The following SLC35B3 variants were observed in gnomAD, a reference collection of about 807,000 sequenced individuals.
SLC35B3 encodes adenosine 3'-phospho 5'-phosphosulfate transporter 2.
SLC35B3 carries 35 observed loss-of-function variants against 44.1 expected under a neutral mutation model. That is an observed-to-expected ratio of 0.79 (90% CI 0.61 to 1.05). The LOEUF is 1.05. Ranked by LOEUF, SLC35B3 falls within the 50% of genes least tolerant of loss-of-function variation. The pLI is 0.00. For missense variants in SLC35B3, 414 were observed against 476.4 expected, an observed-to-expected ratio of 0.87 and a Z score of 1.22; for synonymous variants, 146 against 167.3, an observed-to-expected ratio of 0.87 and a Z score of 0.98.
Position 8,435,330 on chromosome 6 carries a change from A to G in SLC35B3, c.-44+13T>C. On this transcript the variant is annotated intron_variant, in intron 1 of 10. Coordinates refer to ENST00000644923, the MANE Select transcript of SLC35B3 (RefSeq NM_001370476.2). The surrounding 1 kb of genome is among the most constrained non-coding windows in gnomAD (Gnocchi z 5.5). Reference sequence around the variant, plus strand: ...GGTCCCAAACACAGGAAAGGCCCCGAAGGCACGCGTACCCCAAGGCCGGTA... The same window carrying G: ...GGTCCCAAACACAGGAAAGGCCCCGGAGGCACGCGTACCCCAAGGCCGGTA... 7.8e-7 allele frequency: 1 copy of G among 1,289,268 alleles called. No individual in the cohort carries two copies. Among genetic ancestry groups the G allele is most frequent in the Non-Finnish European group, 1.0e-6 (1 of 988,836 alleles). 79.9% of individuals were successfully genotyped at this position (1,289,268 alleles called of 1,614,324 possible). A position where few individuals can be genotyped will look rare whatever the true frequency, so the allele number is the denominator to read the frequency against.
chr6:8,431,671 A>G (rs1405051556), intron 2 of SLC35B3, among the ~76,000 whole-genome samples: 1 of 152,120 alleles, frequency 6.6e-6, no homozygotes, highest in Non-Finnish European at 1.5e-5. Flanking sequence ...TTTTTATGTA[A>G]TCTTGCAGGG....
At chr6:8,424,556 G>C (rs889368296) in intron 4 of SLC35B3, among the ~76,000 whole-genome samples, 1 of 152,104 alleles carries the variant, frequency 6.6e-6, no homozygotes, top group Non-Finnish European at 1.5e-5. Flanking sequence ...CACTGCACCT[G>C]GCCGGGGAGA....
intron 4 of SLC35B3, 25 bp from the exon 4 acceptor site, chr6:8,422,649 T>C: frequency 6.3e-7 from 1 of 1,585,044 alleles, no homozygotes. Flanking sequence ...TTTTAAAACC[T>C]TCATTTTGGG....
intron 10 of SLC35B3, 48 bp downstream of exon 9, chr6:8,414,858 AAC>A (rs773652525): frequency 9.8e-7 from 1 of 1,024,380 alleles, no homozygotes; most frequent in South Asian, 1.7e-5. Context: ...GGAAATGTGA[AAC>A]ACAGTATCTA....
Position 8,414,919 on chromosome 6 carries a change from TG to T in SLC35B3, c.1043del (p.Pro348HisfsTer12). The T allele has an allele frequency of 6.3e-7, 1 of 1,591,238 alleles. No individual in the cohort carries two copies. Among genetic ancestry groups the T allele is most frequent in the East Asian group, 2.2e-5 (1 of 44,630 alleles). ...TAAGAAGTACTTACTGAAACGTGAATGGTTTAGCAAAGAATATAAACGAAAG... is the reference window on the plus strand; with the variant it reads ...TAAGAAGTACTTACTGAAACGTGAATGTTTAGCAAAGAATATAAACGAAAG... On this transcript the variant is annotated frameshift_variant, in exon 10 of 11. Transcript: ENST00000644923. LOFTEE classifies it high-confidence loss of function.
intron 4 of SLC35B3, among the ~76,000 whole-genome samples, chr6:8,426,958 T>C (rs951544451): frequency 5.3e-5 from 8 of 152,296 alleles, no homozygotes; most frequent in Admixed American, 3.3e-4. Context: ...CAAAGGTGAC[T>C]CTTGTTATGT....
At chr6:8,431,604 C>T (rs977841500) in intron 2 of SLC35B3, among the ~76,000 whole-genome samples, 2 of 152,160 alleles carry the variant, frequency 1.3e-5, no homozygotes, top group African/African-American at 2.4e-5. Context: ...GTTTATTCTT[C>T]ACTTTCCTTT....
intron 4 of SLC35B3, among the ~76,000 whole-genome samples, chr6:8,426,441 T>A (rs374607486): frequency 6.6e-6 from 1 of 152,220 alleles, no homozygotes; most frequent in South Asian, 2.1e-4. Context: ...GTAATTTGAA[T>A]CATGGGGGTG....
chr6:8,429,861 T>G lies in SLC35B3; in HGVS notation c.297+3A>C. Reference sequence around the variant, plus strand: ...ACATATTACAAACATATAACTTTTTTACCTGTAAATACCCATAAATTAGGT... The same window carrying G: ...ACATATTACAAACATATAACTTTTTGACCTGTAAATACCCATAAATTAGGT... On this transcript the variant is annotated splice_donor_region_variant and intron_variant, in intron 3 of 10. Transcript: ENST00000644923. 1.3e-6 allele frequency: 2 copies of G among 1,541,718 alleles called. No individual in the cohort carries two copies. The highest frequency in any genetic ancestry group is 1.8e-6 in the Non-Finnish European group (2 of 1,135,494).
intron 4 of SLC35B3, 43 bp downstream of exon 3, chr6:8,427,894 C>T (rs1258716344): frequency 6.6e-7 from 1 of 1,523,508 alleles, no homozygotes; most frequent in Admixed American, 2.0e-5. Context: ...CAAAAAAATT[C>T]AACTAATATA....
chr6:8,435,464 A>G lies in SLC35B3; in HGVS notation c.-165T>C. The G allele has an allele frequency of 8.9e-7, 1 of 1,118,926 alleles. No homozygotes were observed. The highest frequency in any genetic ancestry group is 1.2e-6 in the Non-Finnish European group (1 of 848,714). 69.3% of individuals were successfully genotyped at this position (1,118,926 alleles called of 1,614,324 possible). Reference sequence around the variant, plus strand: ...CTCCTCTTCCTCCTCCTCCTCGCCCACTCCTGCACTTTCCACCGCGGCGGT... The same window carrying G: ...CTCCTCTTCCTCCTCCTCCTCGCCCGCTCCTGCACTTTCCACCGCGGCGGT... On this transcript the variant is annotated 5_prime_UTR_variant, in exon 1 of 11. Transcript: ENST00000644923. The surrounding 1 kb of genome is among the most constrained non-coding windows in gnomAD (Gnocchi z 5.5).
Position 8,422,488 on chromosome 6 carries a change from C to G in SLC35B3, c.556G>C (p.Gly186Arg), listed in dbSNP as rs780159985. The G allele has an allele frequency of 6.2e-7, 1 of 1,613,020 alleles. No individual in the cohort carries two copies. The highest frequency in any genetic ancestry group is 1.1e-5 in the South Asian group (1 of 90,980). The change falls in exon 5 of 11, where the codon GGA becomes CGA. Residue 186 changes from glycine to arginine, a missense_variant. Gly to Arg is a moderately radical substitution (Grantham distance 125). Transcript: ENST00000644923. ...ACTATACCTTGAATAAAAACTCCTC[C>G]TAGCATAACAGGAATCAATTTGCAG...
Position 8,430,340 on chromosome 6 carries a change from G to A in SLC35B3, c.4-183C>T, listed in dbSNP as rs987620083. ...TATGCCTACAATCTTTAAACAATTT[G>A]TCTACAGCTGATAAAGATTAGTACA... is the stretch of plus-strand genomic sequence containing the variant. On this transcript the variant is annotated intron_variant, in intron 2 of 10. Coordinates refer to ENST00000644923, the MANE Select transcript of SLC35B3 (RefSeq NM_001370476.2). Among the ~76,000 whole-genome samples the A allele has an allele frequency of 2.6e-5, 4 of 151,998 alleles. No homozygotes were observed. The South Asian group carries it at 6.2e-4, about 24-fold the overall frequency.
chr6:8,422,716 TTTTCTAA>T, intron 4 of SLC35B3, 92 bp from the exon 4 acceptor site: 1 of 984,772 alleles, frequency 1.0e-6, no homozygotes, highest in Non-Finnish European at 1.5e-6. Context: ...GTCTAATTAC[TTTTCTAA>T]TTTCTGGTTA....
At chr6:8,426,082 T>C (rs1763384761) in intron 4 of SLC35B3, among the ~76,000 whole-genome samples, 1 of 152,192 alleles carries the variant, frequency 6.6e-6, no homozygotes, top group Non-Finnish European at 1.5e-5. Context: ...TATGGCAATG[T>C]TAGCTGGGGC....
chr6:8,417,505 T>C lies in SLC35B3; in HGVS notation c.781-11A>G. 6.6e-7 allele frequency: 1 copy of C among 1,511,964 alleles called. No homozygotes were observed. The highest frequency in any genetic ancestry group is 8.9e-7 in the Non-Finnish European group (1 of 1,119,504). The allele number at this position is 1,511,964 out of a possible 1,614,324, so 93.7% of individuals were successfully genotyped here. ...ATACGAATACAATACCTAGAGCAGA[T>C]AAAAATAAAGCAGAAAAAAGTACTA... On this transcript the variant is annotated splice_polypyrimidine_tract_variant and intron_variant, in intron 7 of 10. Transcript: ENST00000644923.
At chr6:8,418,232 T>C (rs193157788) in intron 7 of SLC35B3, among the ~76,000 whole-genome samples, 215 of 152,224 alleles carry the variant, frequency 1.4e-3, no homozygotes, top group Non-Finnish European at 2.2e-3. Flanking sequence ...AACACTGCAT[T>C]ATATTAACTT....
chr6:8,435,318 G>A lies in SLC35B3; in HGVS notation c.-44+25C>T. 2 of 1,289,322 alleles carry A rather than the reference G, an allele frequency of 1.6e-6. No individual in the cohort carries two copies. Among genetic ancestry groups the A allele is most frequent in the Non-Finnish European group, 2.0e-6 (2 of 988,844 alleles). 79.9% of individuals were successfully genotyped at this position (1,289,322 alleles called of 1,614,324 possible). ...AGAGGAGATCTGGGTCCCAAACACA[G>A]GAAAGGCCCCGAAGGCACGCGTACC... is the stretch of plus-strand genomic sequence containing the variant. On this transcript the variant is annotated intron_variant, in intron 1 of 10. Coordinates refer to ENST00000644923, the MANE Select transcript of SLC35B3 (RefSeq NM_001370476.2). This position sits in a 1 kb window ranked among gnomAD's most constrained non-coding sequence, Gnocchi z 5.5.
chr6:8,422,635 C>T lies in SLC35B3; in HGVS notation c.420-11G>A, dbSNP rs931539710. 6.3e-7 allele frequency: 1 copy of T among 1,598,348 alleles called. No homozygotes were observed. Among genetic ancestry groups the T allele is most frequent in the African/African-American group, 1.4e-5 (1 of 73,964 alleles). On this transcript the variant is annotated splice_polypyrimidine_tract_variant and intron_variant, in intron 4 of 10. Transcript: ENST00000644923. Reference sequence around the variant, plus strand: ...GTTTTTCCTGGTATTCTGTAAAAGACAATTTTTAAAACCTTCATTTTGGGA... The same window carrying T: ...GTTTTTCCTGGTATTCTGTAAAAGATAATTTTTAAAACCTTCATTTTGGGA...
Sources: allele counts gnomAD v4.1 joint callset (sites outside exome capture counted in the v4.1 genomes callset), GRCh38; gene constraint gnomAD v4.1.1; non-coding constraint Gnocchi (gnomAD v3.1); transcripts MANE v1.5; gene names NCBI Gene and HGNC (gene_info 2026-07-23, HGNC 2026-07-21).